Variants in OR5K1 observed in about 807,000 individuals in gnomAD.
OR5K1 encodes olfactory receptor family 5 subfamily K member 1, also known as olfactory receptor 5K1.
In OR5K1, 7 loss-of-function variants were observed where a neutral mutation model predicts 10.4. The observed-to-expected ratio is 0.67, with a 90% CI of 0.38 to 1.26. The LOEUF (loss-of-function observed/expected upper bound fraction) is 1.26, where lower values mean the gene tolerates loss of function less well. Among genes scored for constraint, OR5K1 ranks in the 50% most tolerant of loss-of-function variants. The probability of loss-of-function intolerance (pLI) is 0.02; values close to 1 mark genes in which losing one functional copy is unlikely to be tolerated. For missense variants in OR5K1, 435 were observed against 366.2 expected (o/e 1.19, Z -1.53); for synonymous variants, 135 against 128.5 (o/e 1.05, Z -0.34).
At chr3:98,468,363 AAG>A (rs928203125) in intron 1 of OR5K1, among the ~76,000 whole-genome samples, 4 of 152,148 alleles carry the variant, frequency 2.6e-5, no homozygotes, top group Admixed American at 1.3e-4. Context: ...AGCCATATTT[AAG>A]AGTGTAGTTC....
chr3:98,469,569 A>G lies in OR5K1; in HGVS notation c.-8A>G. 1 of 1,603,432 alleles carries G rather than the reference A, an allele frequency of 6.2e-7. No homozygotes were observed. The highest frequency in any genetic ancestry group is 8.5e-7 in the Non-Finnish European group (1 of 1,174,100). On this transcript the variant is annotated 5_prime_UTR_variant, in exon 2 of 2. Transcript: ENST00000642057. The stretch of plus-strand genomic sequence containing the variant: ...TTTCTCCACAATTTTTTTTCAGACA[A>G]GTCAGGAATGGCTGAAGAAAATCAT...
At chr3:98,464,071 A>G (rs1032221079) in intron 1 of OR5K1, among the ~76,000 whole-genome samples, 13 of 152,170 alleles carry the variant, frequency 8.5e-5, no homozygotes, top group South Asian at 4.2e-4. Context: ...CCTAGCCAAC[A>G]TGGTGAAACC....
Position 98,470,570 on chromosome 3 carries a change from C to A in OR5K1, c.*67C>A. On this transcript the variant is annotated 3_prime_UTR_variant, in exon 2 of 2. Coordinates refer to ENST00000642057, the MANE Select transcript of OR5K1 (RefSeq NM_001004736.4). ...ATGATTTAAATGCAGCAAAAACTTC[C>A]ATGTGAAATTACACAGGGGAAATGC... The A allele has an allele frequency of 1.1e-6, 1 of 909,916 alleles. No individual in the cohort carries two copies. The highest frequency in any genetic ancestry group is 1.7e-6 in the Non-Finnish European group (1 of 601,700). 56.4% of individuals were successfully genotyped at this position (909,916 alleles called of 1,614,324 possible).
Position 98,470,069 on chromosome 3 carries a change from AG to A in OR5K1, c.495del (p.Arg165SerfsTer2). On this transcript the variant is annotated frameshift_variant, in exon 2 of 2. Transcript: ENST00000642057. LOFTEE classifies it high-confidence loss of function. ...CATGATTCATGTAGGGCTTGTATTT[AG>A]GTTAGTTTTCTGTGGATCGAATCAC... ...HSMIHVGLVF[R>X]LVFCGSNHIN... 1 of 1,613,628 alleles carries A rather than the reference AG, an allele frequency of 6.2e-7. No individual in the cohort carries two copies. Among genetic ancestry groups the A allele is most frequent in the Non-Finnish European group, 8.5e-7 (1 of 1,179,702 alleles).
Position 98,469,986 on chromosome 3 carries a change from C to T in OR5K1, c.410C>T (p.Ser137Phe). ...CCACTGCAGTACCACATCATGATGT[C>T]CAAGAAACTCTGCATTCAGATGACC... is the stretch of plus-strand genomic sequence containing the variant. ...CNPLQYHIMM[S>F]KKLCIQMTTG... Residue 137 changes from serine (S) to phenylalanine (F), a missense_variant, in exon 2 of 2, where the codon TCC (serine) becomes TTC (phenylalanine). Ser to Phe is a radical substitution (Grantham distance 155, BLOSUM62 -2). Coordinates refer to ENST00000642057, the MANE Select transcript of OR5K1 (RefSeq NM_001004736.4). 1 of 1,613,660 alleles carries T rather than the reference C, an allele frequency of 6.2e-7. No individual in the cohort carries two copies. Among genetic ancestry groups the T allele is most frequent in the Non-Finnish European group, 8.5e-7 (1 of 1,179,776 alleles).
At chr3:98,464,179 C>G (rs1443313448) in intron 1 of OR5K1, among the ~76,000 whole-genome samples, 2 of 152,102 alleles carry the variant, frequency 1.3e-5, no homozygotes, top group Non-Finnish European at 2.9e-5. Context: ...TCCCTTGAAC[C>G]TGGGAGGTGG....
At chr3:98,465,010 C>A (rs9681636) in intron 1 of OR5K1, among the ~76,000 whole-genome samples, 6,705 of 152,064 alleles carry the variant, frequency 0.044, 501 homozygotes, top group African/African-American at 0.15. Context: ...TAAGAGCATG[C>A]CATTTTATTT....
At chr3:98,468,826 T>C (rs1406441618) in intron 1 of OR5K1, among the ~76,000 whole-genome samples, 6 of 152,168 alleles carry the variant, frequency 3.9e-5, no homozygotes, top group Non-Finnish European at 8.8e-5. Context: ...TCAGTACATA[T>C]ATATTCATTG....
At position 98,468,870 on chromosome 3, in the gene OR5K1, A is replaced by T. The variant is rs962170240; in HGVS notation, c.-11-696A>T. The stretch of plus-strand genomic sequence containing the variant: ...GGGAATGTTGATACTAATTGCTGAC[A>T]TTTAAATTATGAATCAGCTTTACTT... On this transcript the variant is annotated intron_variant, in intron 1 of 1. Transcript: ENST00000642057. Among the ~76,000 whole-genome samples, 5 of 152,136 alleles carry T rather than the reference A, an allele frequency of 3.3e-5. No individual in the cohort carries two copies. The East Asian group carries it at 9.6e-4, about 29-fold the overall frequency.
intron 1 of OR5K1, among the ~76,000 whole-genome samples, chr3:98,465,760 G>C (rs193149871): frequency 2.2e-3 from 331 of 151,914 alleles, no homozygotes; most frequent in Admixed American, 4.5e-3. Context: ...CTATTTTCTA[G>C]TGATTATTTG....
chr3:98,470,793 G>C lies in OR5K1; in HGVS notation c.*290G>C, dbSNP rs1261872125. The C allele has an allele frequency of 5.3e-6, 1 of 190,346 alleles. No homozygotes were observed. Among genetic ancestry groups the C allele is most frequent in the African/African-American group, 2.4e-5 (1 of 42,296 alleles). The allele number at this position is 190,346 out of a possible 1,614,324, so 11.8% of individuals were successfully genotyped here. A position where few individuals can be genotyped will look rare whatever the true frequency, so the allele number is the denominator to read the frequency against. On this transcript the variant is annotated 3_prime_UTR_variant, in exon 2 of 2. Transcript: ENST00000642057. ...CTTGGTCTGTGTTGGCATCAGGGATGATAAGCATCCAAAAGAACACAGCAA... is the reference window on the plus strand; with the variant it reads ...CTTGGTCTGTGTTGGCATCAGGGATCATAAGCATCCAAAAGAACACAGCAA...
chr3:98,469,167 C>T (rs532644704), intron 1 of OR5K1, among the ~76,000 whole-genome samples: 1 of 152,080 alleles, frequency 6.6e-6, no homozygotes, highest in South Asian at 2.1e-4. Flanking sequence ...TTATCCTAAG[C>T]AAACTAATGA....
At position 98,463,897 on chromosome 3, in the gene OR5K1, G is replaced by C. The variant is rs927530568; in HGVS notation, c.-12+590G>C. ...ATAACTTCAAGCTGGCAAGGGCAAG[G>C]CAGTTAATGAAAAAGTTATTCAAAT... On this transcript the variant is annotated intron_variant, in intron 1 of 1. Coordinates refer to ENST00000642057, the MANE Select transcript of OR5K1 (RefSeq NM_001004736.4). Among the ~76,000 whole-genome samples, 11 of 152,048 alleles carry C rather than the reference G, an allele frequency of 7.2e-5. No individual in the cohort carries two copies. In the South Asian group the frequency reaches 2.3e-3, roughly 32 times the overall value.
chr3:98,470,840 AG>A lies in OR5K1; in HGVS notation c.*339del, dbSNP rs1705438881. ...GCAAAACTGGAAGTTACAAGTTCAA[AG>A]GACCATTCCATTAAGCATTGATAAC... On this transcript the variant is annotated 3_prime_UTR_variant, in exon 2 of 2. Coordinates refer to ENST00000642057, the MANE Select transcript of OR5K1 (RefSeq NM_001004736.4). 5.8e-6 allele frequency: 1 copy of A among 172,418 alleles called. No homozygotes were observed. The allele number at this position is 172,418 out of a possible 1,614,324, so 10.7% of individuals were successfully genotyped here.
In OR5K1 at chr3:98,471,325, A is replaced by G. The variant is rs557188668; in HGVS notation, c.*822A>G. On this transcript the variant is annotated 3_prime_UTR_variant, in exon 2 of 2. Coordinates refer to ENST00000642057, the MANE Select transcript of OR5K1 (RefSeq NM_001004736.4). ...TGAGAGGTGAGGAAAGGTTTCAACAATAGAGACCACTACCCTGGGTATATT... is the reference window on the plus strand; with the variant it reads ...TGAGAGGTGAGGAAAGGTTTCAACAGTAGAGACCACTACCCTGGGTATATT... 2 of 152,100 alleles carry G rather than the reference A, an allele frequency of 1.3e-5. No individual in the cohort carries two copies. Among genetic ancestry groups the G allele is most frequent in the South Asian group, 2.1e-4 (1 of 4,826 alleles). 9.4% of individuals were successfully genotyped at this position (152,100 alleles called of 1,614,324 possible).
At chr3:98,469,427 A>G (rs561797192) in intron 1 of OR5K1, 139 bp from the exon 2 acceptor site, 6 of 721,410 alleles carry the variant, frequency 8.3e-6, no homozygotes, top group African/African-American at 3.6e-5. Context: ...CATTCTCCCC[A>G]TGAATGGGGC....
intron 1 of OR5K1, among the ~76,000 whole-genome samples, chr3:98,463,837 G>A (rs563208580): frequency 4.6e-5 from 7 of 152,188 alleles, no homozygotes; most frequent in African/African-American, 1.7e-4. Context: ...CTGACCAATG[G>A]ACAACTGGGT....
chr3:98,468,119 A>AT (rs1405944666), intron 1 of OR5K1, among the ~76,000 whole-genome samples: 2 of 151,894 alleles, frequency 1.3e-5, no homozygotes, highest in East Asian at 1.9e-4. Context: ...TAGTATAGGC[A>AT]TTTTTTCTCA....
At position 98,464,662 on chromosome 3, in the gene OR5K1, A is replaced by G. The variant is rs187724086; in HGVS notation, c.-12+1355A>G. On this transcript the variant is annotated intron_variant, in intron 1 of 1. Coordinates refer to ENST00000642057, the MANE Select transcript of OR5K1 (RefSeq NM_001004736.4). Reference sequence around the variant, plus strand: ...TTTTAAAATATCCCAAAATTTTAATAAATGTGAACACCCTAGAATCTAGGA... The same window carrying G: ...TTTTAAAATATCCCAAAATTTTAATGAATGTGAACACCCTAGAATCTAGGA... Among the ~76,000 whole-genome samples, 5 of 152,360 alleles carry G rather than the reference A, an allele frequency of 3.3e-5. No homozygotes were observed. The East Asian group carries it at 9.6e-4, about 29-fold the overall frequency.
Sources: gnomAD v4.1 joint callset for allele counts (sites outside exome capture counted in the v4.1 genomes callset) on GRCh38, gnomAD v4.1.1 for gene constraint, MANE v1.5 for transcripts, NCBI Gene and HGNC (gene_info 2026-07-23, HGNC 2026-07-21) for gene names.